ELP3: variants seen among roughly 807,000 people sequenced by gnomAD.
ELP3 encodes elongator complex protein 3.
Under a neutral mutation model 74.9 loss-of-function variants are expected in ELP3, and 56 were observed. That is an observed-to-expected ratio of 0.75 (90% CI 0.60 to 0.93). ELP3 has a LOEUF of 0.93. Among genes scored for constraint, ELP3 ranks in the 40% least tolerant of loss-of-function variants. The pLI, the probability that ELP3 is intolerant of heterozygous loss-of-function variation, is 0.00. For synonymous variants in ELP3, 222 were observed against 239.8 expected, an observed-to-expected ratio of 0.93 and a Z score of 0.68; for missense variants, 573 against 686.5, an observed-to-expected ratio of 0.83 and a Z score of 1.85.
rs986832015 is a variant in ELP3, at chr8:28,116,746, A to AC, written c.617+3573_617+3574insC. Among the ~76,000 whole-genome samples, 909 of 152,256 alleles carry AC rather than the reference A, an allele frequency of 6.0e-3. 10 individuals are homozygous for AC. The highest frequency in any genetic ancestry group is 0.02 in the African/African-American group (846 of 41,534). ...AGAGTGAGACTGTGTCTCAAAAAAC[A>AC]AACAACAACAAAAAAAACTGATCAT... is the stretch of plus-strand genomic sequence containing the variant. On this transcript the variant is annotated intron_variant, in intron 7 of 14. Transcript: ENST00000256398.
At chr8:28,102,470 G>T (rs1229129447) in intron 3 of ELP3, among the ~76,000 whole-genome samples, 1 of 152,138 alleles carries the variant, frequency 6.6e-6, no homozygotes, top group African/African-American at 2.4e-5. Context: ...TACATGAAAT[G>T]CATCTTTAAC....
chr8:28,092,966 C>A, upstream of ELP3: 1 of 641,996 alleles, frequency 1.6e-6, no homozygotes, highest in Non-Finnish European at 2.8e-6. Flanking sequence ...TTCAGACGTT[C>A]CCATCCTCCA....
intron 10 of ELP3, 103 bp from the exon 11 acceptor site, chr8:28,155,839 C>A: frequency 1.0e-6 from 1 of 977,360 alleles, no homozygotes; most frequent in Non-Finnish European, 1.5e-6. Flanking sequence ...AGGTTTTTTG[C>A]TTTTTTATTT....
chr8:28,121,521 T>A (rs529127973), intron 7 of ELP3, among the ~76,000 whole-genome samples: 1 of 152,052 alleles, frequency 6.6e-6, no homozygotes, highest in South Asian at 2.1e-4. Flanking sequence ...GGTTTCACCA[T>A]GTTGGCCAGG....
rs1384828721 is a variant in ELP3 at position 28,147,747 on chromosome 8, GT to G, written c.1101-8192del. Among the ~76,000 whole-genome samples, 1 of 152,066 alleles carries G rather than the reference GT, an allele frequency of 6.6e-6. No homozygotes were observed. Among genetic ancestry groups the G allele is most frequent in the African/African-American group, 2.4e-5 (1 of 41,376 alleles). On this transcript the variant is annotated intron_variant, in intron 10 of 14. Coordinates refer to ENST00000256398, the MANE Select transcript of ELP3 (RefSeq NM_018091.6). This position sits in a 1 kb window ranked among gnomAD's most constrained non-coding sequence, Gnocchi z 4.5. Reference sequence around the variant, plus strand: ...AAACACAGTGAGTTCCAAGATTATAGTTTCTAAAGCCACTCTCCACTAAAAG... The same window carrying G: ...AAACACAGTGAGTTCCAAGATTATAGTTCTAAAGCCACTCTCCACTAAAAG...
chr8:28,113,217 G>A, intron 7 of ELP3, 44 bp downstream of exon 7: 1 of 1,559,374 alleles, frequency 6.4e-7, no homozygotes, highest in Non-Finnish European at 8.7e-7. Flanking sequence ...GTGGTTGTCA[G>A]TTTATGCTCC....
intron 12 of ELP3, 55 bp downstream of exon 12, chr8:28,158,688 C>A: frequency 1.4e-6 from 2 of 1,400,868 alleles, no homozygotes; most frequent in Non-Finnish European, 1.0e-6. Flanking sequence ...TCTTTGCCAA[C>A]CCTGGGCCCA....
chr8:28,136,948 A>G (rs763365235), intron 9 of ELP3, among the ~76,000 whole-genome samples: 14 of 152,370 alleles, frequency 9.2e-5, no homozygotes, highest in Middle Eastern at 3.4e-3. Flanking sequence ...GTGATGTAGT[A>G]TAAGAAATGA....
chr8:28,168,944 T>A (rs1289223071), intron 14 of ELP3, among the ~76,000 whole-genome samples: 1 of 152,228 alleles, frequency 6.6e-6, no homozygotes, highest in Non-Finnish European at 1.5e-5. Flanking sequence ...ATACTAGTTT[T>A]GTGGAGCCTT....
rs1815428007 is a variant in ELP3, at chr8:28,190,679, C to G, written c.*954C>G. 6.6e-6 allele frequency: 1 copy of G among 152,176 alleles called. No individual in the cohort carries two copies. The highest frequency in any genetic ancestry group is 2.1e-4 in the South Asian group (1 of 4,828). 9.4% of individuals were successfully genotyped at this position (152,176 alleles called of 1,614,324 possible). A position where few individuals can be genotyped will look rare whatever the true frequency, so the allele number is the denominator to read the frequency against. Reference sequence around the variant, plus strand: ...TCCCGGGTTCAAGCGATTCTCCCGCCTCAGCCTCCTGAGTAGCTGGGATTA... The same window carrying G: ...TCCCGGGTTCAAGCGATTCTCCCGCGTCAGCCTCCTGAGTAGCTGGGATTA... On this transcript the variant is annotated 3_prime_UTR_variant, in exon 15 of 15. Transcript: ENST00000256398.
At chr8:28,090,832 A>G (rs1053974911), upstream of ELP3, among the ~76,000 whole-genome samples, 51 of 151,724 alleles carry the variant, frequency 3.4e-4, no homozygotes, top group Non-Finnish European at 7.1e-4. Flanking sequence ...AGAGTTGTGG[A>G]GACTAAGGTT....
intron 9 of ELP3, among the ~76,000 whole-genome samples, chr8:28,135,972 T>G (rs939318245): frequency 1.2e-4 from 18 of 151,322 alleles, no homozygotes; most frequent in African/African-American, 4.4e-4. Context: ...TTTTTTTTTT[T>G]TTTTCTTGAG....
chr8:28,096,667 T>G (rs1454596528), intron 1 of ELP3, among the ~76,000 whole-genome samples: 5 of 152,222 alleles, frequency 3.3e-5, no homozygotes, highest in Non-Finnish European at 7.3e-5. Context: ...TTCATGATGG[T>G]GGACAGACAA....
intron 7 of ELP3, among the ~76,000 whole-genome samples, chr8:28,121,212 G>T (rs1466042671): frequency 6.6e-6 from 1 of 151,896 alleles, no homozygotes; most frequent in Non-Finnish European, 1.5e-5. Context: ...CTTCATTGTT[G>T]AGATTGTATA....
chr8:28,130,884 T>A (rs1177863497), intron 8 of ELP3, among the ~76,000 whole-genome samples: 1 of 152,110 alleles, frequency 6.6e-6, no homozygotes, highest in Non-Finnish European at 1.5e-5. Context: ...GAGGTGAGGC[T>A]GAAAAGCAGG....
chr8:28,113,424 T>G (rs1029089775), intron 7 of ELP3, among the ~76,000 whole-genome samples: 1 of 32,636 alleles, frequency 3.1e-5, no homozygotes, highest in African/African-American at 4.0e-4. Context: ...CATAGTAGTA[T>G]TCTCAAATAG....
upstream of ELP3, chr8:28,092,989 G>A (rs1275389465): frequency 7.3e-6 from 5 of 683,450 alleles, no homozygotes; most frequent in East Asian, 5.4e-5. Flanking sequence ...CCTGAGACCC[G>A]GGGCAGGATC....
chr8:28,188,134 G>T (rs927508822), intron 14 of ELP3, among the ~76,000 whole-genome samples: 2 of 152,132 alleles, frequency 1.3e-5, no homozygotes, highest in Non-Finnish European at 2.9e-5. Flanking sequence ...GCTGCTGATC[G>T]CTCTCCCCGC....
In ELP3 at chr8:28,135,171, G is replaced by T. The variant is rs185170925; in HGVS notation, c.907-2527G>T. 3.9e-5 allele frequency among the ~76,000 whole-genome samples: 6 copies of T among 151,994 alleles called. No homozygotes were observed. In the East Asian group the frequency reaches 1.2e-3, roughly 29 times the overall value. On this transcript the variant is annotated intron_variant, in intron 9 of 14. Transcript: ENST00000256398. Reference sequence around the variant, plus strand: ...TCTCGAACTTCTGACCTCGTGATCCGCCCGCCTCTGCCTCCCAAAGTGCTG... The same window carrying T: ...TCTCGAACTTCTGACCTCGTGATCCTCCCGCCTCTGCCTCCCAAAGTGCTG...
Sources: allele counts gnomAD v4.1 joint callset (sites outside exome capture counted in the v4.1 genomes callset), GRCh38; gene constraint gnomAD v4.1.1; non-coding constraint Gnocchi (gnomAD v3.1); transcripts MANE v1.5; gene names NCBI Gene and HGNC (gene_info 2026-07-23, HGNC 2026-07-21).